TSPAN12: variants seen among roughly 807,000 people sequenced by gnomAD.
The protein encoded by TSPAN12 is tetraspanin 12.
TSPAN12 carries 19 observed loss-of-function variants against 39.2 expected under a neutral mutation model. The observed-to-expected ratio is 0.49, with a 90% CI of 0.34 to 0.71. The LOEUF (loss-of-function observed/expected upper bound fraction) is 0.71. TSPAN12 is among the 30% of genes least tolerant of loss of function. TSPAN12 has a pLI of 0.01. For missense variants in TSPAN12, 314 were observed against 359.9 expected (o/e 0.87, Z 1.03); for synonymous variants, 119 against 124.8 (o/e 0.95, Z 0.31).
intron 2 of TSPAN12, among the ~76,000 whole-genome samples, chr7:120,848,506 T>G (rs1322854269): frequency 6.6e-6 from 1 of 152,210 alleles, no homozygotes; most frequent in Non-Finnish European, 1.5e-5. Flanking sequence ...TTTCTATCAC[T>G]GGAAGTTTTC....
chr7:120,791,674 AG>A lies in TSPAN12; in HGVS notation c.613-2778del, dbSNP rs146787074. ...CAAATCTGTGAATAAAACAAGGCAG[AG>A]GTTGATAATTAAGTACAGTTTATCA... is the stretch of plus-strand genomic sequence containing the variant. On this transcript the variant is annotated intron_variant, in intron 7 of 7. Coordinates refer to ENST00000222747, the MANE Select transcript of TSPAN12 (RefSeq NM_012338.4). Among the ~76,000 whole-genome samples the A allele has an allele frequency of 2.2e-3, 337 of 152,354 alleles. 1 individual carries two copies. Among genetic ancestry groups the A allele is most frequent in the African/African-American group, 7.5e-3 (314 of 41,590 alleles).
At chr7:120,836,917 G>T (rs764478496) in intron 4 of TSPAN12, among the ~76,000 whole-genome samples, 1 of 152,276 alleles carries the variant, frequency 6.6e-6, no homozygotes, top group East Asian at 1.9e-4. Flanking sequence ...AAGCCTTTGT[G>T]GTTCCATGAA....
intron 2 of TSPAN12, among the ~76,000 whole-genome samples, chr7:120,853,471 G>GATAT (rs375897054): frequency 0.017 from 2,406 of 138,094 alleles, 39 homozygotes; most frequent in African/African-American, 0.045. Context: ...AAGAAATGCA[G>GATAT]ATATATATAT....
At chr7:120,856,893 GCC>G (rs1794883176) in intron 1 of TSPAN12, 60 bp from the exon 2 acceptor site, 4 of 1,005,064 alleles carry the variant, frequency 4.0e-6, no homozygotes, top group Non-Finnish European at 6.2e-6. Flanking sequence ...CCCACAGCCT[GCC>G]CGTCCCTCCT....
intron 6 of TSPAN12, among the ~76,000 whole-genome samples, chr7:120,807,260 T>G (rs1793892231): frequency 6.6e-6 from 1 of 152,150 alleles, no homozygotes; most frequent in African/African-American, 2.4e-5. Flanking sequence ...CTGAGTAAGA[T>G]TCTTGAAATA....
chr7:120,816,844 G>A (rs1794093299), intron 4 of TSPAN12, among the ~76,000 whole-genome samples: 1 of 152,104 alleles, frequency 6.6e-6, no homozygotes, highest in South Asian at 2.1e-4. Context: ...AGCACAAGAG[G>A]AGGCATGAAG....
At chr7:120,837,281 A>C (rs530944298) in intron 4 of TSPAN12, among the ~76,000 whole-genome samples, 2 of 151,662 alleles carry the variant, frequency 1.3e-5, no homozygotes, top group East Asian at 3.9e-4. Flanking sequence ...ATGTTTCCCC[A>C]TCTCTGAGTG....
At chr7:120,802,022 T>TA (rs1207632767) in intron 7 of TSPAN12, among the ~76,000 whole-genome samples, 2 of 152,242 alleles carry the variant, frequency 1.3e-5, no homozygotes, top group African/African-American at 4.8e-5. Flanking sequence ...ACTTATTTTC[T>TA]AACTGCTGTC....
intron 7 of TSPAN12, among the ~76,000 whole-genome samples, chr7:120,802,175 C>T (rs1355715018): frequency 6.6e-6 from 1 of 152,176 alleles, no homozygotes; most frequent in South Asian, 2.1e-4. Context: ...AACTCTGAGT[C>T]TGATATTTTG....
At chr7:120,800,979 A>G (rs765900773) in intron 7 of TSPAN12, among the ~76,000 whole-genome samples, 2 of 151,954 alleles carry the variant, frequency 1.3e-5, no homozygotes, top group African/African-American at 2.4e-5. Flanking sequence ...TAGTAGAGTT[A>G]GGGCTTCATC....
chr7:120,853,187 AG>A (rs1238834071), intron 2 of TSPAN12, among the ~76,000 whole-genome samples: 1 of 150,822 alleles, frequency 6.6e-6, no homozygotes, highest in African/African-American at 2.4e-5. Flanking sequence ...TCTGCCTCCC[AG>A]GTTCAAGTGA....
chr7:120,815,447 TC>T (rs1477886828), intron 5 of TSPAN12, among the ~76,000 whole-genome samples: 5 of 152,106 alleles, frequency 3.3e-5, no homozygotes, highest in African/African-American at 1.2e-4. Context: ...GTGGGTGAGT[TC>T]CCAAGAGATC....
At chr7:120,789,383 C>T (rs1793476308) in intron 7 of TSPAN12, among the ~76,000 whole-genome samples, 1 of 152,182 alleles carries the variant, frequency 6.6e-6, no homozygotes, top group Non-Finnish European at 1.5e-5. Context: ...AGATCTGGCA[C>T]ACAATGTTTA....
intron 6 of TSPAN12, 101 bp downstream of exon 6, chr7:120,810,362 T>A: frequency 1.3e-6 from 1 of 799,288 alleles, no homozygotes; most frequent in African/African-American, 1.7e-5. Flanking sequence ...AGGCTTAATT[T>A]TTCAGCACAG....
At chr7:120,789,119 CTTT>C (rs1793470124) in intron 7 of TSPAN12, among the ~76,000 whole-genome samples, 1 of 152,178 alleles carries the variant, frequency 6.6e-6, no homozygotes, top group African/African-American at 2.4e-5. Flanking sequence ...CCAACCCCTT[CTTT>C]TGTCTTTCTC....
intron 4 of TSPAN12, among the ~76,000 whole-genome samples, chr7:120,819,002 G>A (rs781711913): frequency 9.9e-5 from 15 of 151,998 alleles, no homozygotes; most frequent in Non-Finnish European, 1.8e-4. Flanking sequence ...CAAATGTTCA[G>A]TAACTACATA....
chr7:120,842,748 T>A (rs1470504385), intron 2 of TSPAN12, among the ~76,000 whole-genome samples: 1 of 152,156 alleles, frequency 6.6e-6, no homozygotes, highest in East Asian at 1.9e-4. Context: ...GGGAGCTCAG[T>A]GGTTCTTGAC....
At chr7:120,840,283 C>T (rs1282693644) in intron 2 of TSPAN12, among the ~76,000 whole-genome samples, 174 bp from the exon 3 acceptor site, 1 of 152,154 alleles carries the variant, frequency 6.6e-6, no homozygotes. Flanking sequence ...GTAATCATGT[C>T]CTAGGCACCA....
chr7:120,842,087 T>C (rs1295275692), intron 2 of TSPAN12, among the ~76,000 whole-genome samples: 1 of 152,216 alleles, frequency 6.6e-6, no homozygotes, highest in East Asian at 1.9e-4. Context: ...CACTTACCAT[T>C]ACTTGCTACA....
Sources: gnomAD v4.1 joint callset for allele counts (sites outside exome capture counted in the v4.1 genomes callset) on GRCh38, gnomAD v4.1.1 for gene constraint, MANE v1.5 for transcripts, NCBI Gene and HGNC (gene_info 2026-07-23, HGNC 2026-07-21) for gene names.